EPYC: variants seen among roughly 807,000 people sequenced by gnomAD.
The protein encoded by EPYC is dermatan sulfate proteoglycan 3.
In EPYC, 28 loss-of-function variants were observed where a neutral mutation model predicts 30.1. The observed-to-expected ratio is 0.93, with a 90% CI of 0.69 to 1.28. The LOEUF is 1.28. Among genes scored for constraint, EPYC ranks in the 50% most tolerant of loss-of-function variants. The pLI is 0.00. For missense variants in EPYC, 382 were observed against 383.5 expected (o/e 1.00, Z 0.03); for synonymous variants, 144 against 141.4 (o/e 1.02, Z -0.13).
chr12:90,977,345 C>T (rs998580894), intron 3 of EPYC, among the ~76,000 whole-genome samples: 3 of 152,164 alleles, frequency 2.0e-5, no homozygotes, highest in Admixed American at 6.5e-5. Flanking sequence ...ACATGTAGCA[C>T]TAAGAATTCC....
intron 4 of EPYC, among the ~76,000 whole-genome samples, chr12:90,972,377 C>G (rs748077610): frequency 1.9e-4 from 29 of 152,144 alleles, no homozygotes; most frequent in Non-Finnish European, 3.2e-4. Flanking sequence ...TTTATGACAA[C>G]ACATACCAAA....
intron 2 of EPYC, among the ~76,000 whole-genome samples, chr12:90,996,023 T>C (rs1323669424): frequency 6.6e-6 from 1 of 151,918 alleles, no homozygotes; most frequent in African/African-American, 2.4e-5. Context: ...AAACCATATG[T>C]ATGAAACTTT....
intron 3 of EPYC, among the ~76,000 whole-genome samples, chr12:90,977,260 G>T (rs1264090576): frequency 6.6e-6 from 1 of 152,096 alleles, no homozygotes; most frequent in Non-Finnish European, 1.5e-5. Flanking sequence ...AAGTATTCCA[G>T]TGTGAGTCCT....
At chr12:91,004,570 A>C (rs1352832872) in intron 1 of EPYC, among the ~76,000 whole-genome samples, 2 of 152,038 alleles carry the variant, frequency 1.3e-5, no homozygotes, top group Non-Finnish European at 2.9e-5. Flanking sequence ...TTTTAATCTC[A>C]GGAAATTTCA....
chr12:90,974,029 TACACACACTCACAC>T (rs911872275), intron 3 of EPYC, among the ~76,000 whole-genome samples: 2 of 81,116 alleles, frequency 2.5e-5, no homozygotes, highest in Admixed American at 1.5e-4. Flanking sequence ...TTTTCTGTCT[TACACACACTCACAC>T]ACACACACAC....
chr12:91,002,057 C>G (rs1211908646), intron 2 of EPYC, among the ~76,000 whole-genome samples: 1 of 151,268 alleles, frequency 6.6e-6, no homozygotes, highest in Non-Finnish European at 1.5e-5. Flanking sequence ...TGTGTCCTAG[C>G]TACGAGCCTG....
At chr12:90,998,208 T>C (rs1877740071) in intron 2 of EPYC, among the ~76,000 whole-genome samples, 1 of 152,140 alleles carries the variant, frequency 6.6e-6, no homozygotes, top group African/African-American at 2.4e-5. Flanking sequence ...AGGTTAGCTG[T>C]AGTTTATCAG....
intron 3 of EPYC, among the ~76,000 whole-genome samples, chr12:90,976,752 T>C (rs745593662): frequency 6.6e-5 from 10 of 152,228 alleles, no homozygotes; most frequent in Non-Finnish European, 1.3e-4. Context: ...TCCCACATGT[T>C]GTGGGAGAGA....
rs763736514 is a variant in EPYC, at chr12:91,002,583, T to C, written c.-13-5A>G. On this transcript the variant is annotated splice_polypyrimidine_tract_variant and splice_region_variant and intron_variant, in intron 1 of 6. Transcript: ENST00000261172. ...GTCTTCATTTTTCAAGCTTTCCTAA[T>C]TATAAAATATTAAAATGCATAAATA... 1.9e-6 allele frequency: 3 copies of C among 1,581,796 alleles called. No individual in the cohort carries two copies. Among genetic ancestry groups the C allele is most frequent in the South Asian group, 2.3e-5 (2 of 85,386 alleles).
At chr12:90,968,374 G>C (rs1318722961) in intron 6 of EPYC, among the ~76,000 whole-genome samples, 1 of 152,180 alleles carries the variant, frequency 6.6e-6, no homozygotes, top group Non-Finnish European at 1.5e-5. Context: ...AATCAGAAAT[G>C]CAGGGAGTTT....
At chr12:90,973,981 T>G (rs973639473) in intron 3 of EPYC, among the ~76,000 whole-genome samples, 1 of 151,200 alleles carries the variant, frequency 6.6e-6, no homozygotes, top group African/African-American at 2.4e-5. Flanking sequence ...CCAAAAATGT[T>G]TCTGAGGCTG....
At chr12:90,987,986 C>G (rs892274710) in intron 2 of EPYC, among the ~76,000 whole-genome samples, 2 of 151,966 alleles carry the variant, frequency 1.3e-5, no homozygotes, top group African/African-American at 4.8e-5. Flanking sequence ...TTAATCTTTC[C>G]TTTGCCTGTA....
intron 2 of EPYC, among the ~76,000 whole-genome samples, chr12:90,991,471 A>G (rs1481199114): frequency 6.6e-6 from 1 of 152,210 alleles, no homozygotes; most frequent in Non-Finnish European, 1.5e-5. Context: ...GAAGATTTCC[A>G]AAATGTTTTG....
chr12:90,994,351 T>C (rs1006231381), intron 2 of EPYC, among the ~76,000 whole-genome samples: 1 of 152,208 alleles, frequency 6.6e-6, no homozygotes, highest in Non-Finnish European at 1.5e-5. Flanking sequence ...ATGTACCAGG[T>C]TCTGTATTAA....
intron 2 of EPYC, among the ~76,000 whole-genome samples, chr12:90,991,018 C>A (rs1027962140): frequency 6.6e-6 from 1 of 151,924 alleles, no homozygotes; most frequent in Non-Finnish European, 1.5e-5. Context: ...AATTTTATGT[C>A]TTTAATCAGA....
chr12:90,989,627 A>T (rs1238495263), intron 2 of EPYC, among the ~76,000 whole-genome samples: 1 of 152,022 alleles, frequency 6.6e-6, no homozygotes, highest in Non-Finnish European at 1.5e-5. Context: ...CATGCCAAAG[A>T]AATAAGAGCT....
At chr12:90,978,046 A>G (rs748918270) in intron 3 of EPYC, 42 bp downstream of exon 3, 65 of 1,495,512 alleles carry the variant, frequency 4.3e-5, no homozygotes, top group Non-Finnish European at 4.9e-5. Context: ...TTTGAGGATG[A>G]CAAAGTGGAC....
rs749296201 is a variant in EPYC, at chr12:90,964,307, A to T, written c.818T>A (p.Met273Lys). ...LHLQNNNILE[M>K]HEDTFCNVKN... Reference sequence around the variant, plus strand: ...AACATTGCAGAACGTATCTTCGTGCATTTCCAGAATGTTGTTATTCTAAAA... The same window carrying T: ...AACATTGCAGAACGTATCTTCGTGCTTTTCCAGAATGTTGTTATTCTAAAA... Residue 273 changes from methionine to lysine, a missense_variant, in exon 7 of 7, where the codon ATG becomes AAG. By Grantham distance (95) the Met-to-Lys change is moderately conservative. Coordinates refer to ENST00000261172, the MANE Select transcript of EPYC (RefSeq NM_004950.5). 3 of 1,607,930 alleles carry T rather than the reference A, an allele frequency of 1.9e-6. No homozygotes were observed. The African/African-American group carries it at 4.0e-5, about 21-fold the overall frequency.
chr12:90,989,218 T>C (rs1877524065), intron 2 of EPYC, among the ~76,000 whole-genome samples: 1 of 152,056 alleles, frequency 6.6e-6, no homozygotes, highest in Non-Finnish European at 1.5e-5. Context: ...AAAAGCATAT[T>C]TTTGTTGCTT....
Sources: allele counts gnomAD v4.1 joint callset (sites outside exome capture counted in the v4.1 genomes callset), GRCh38; gene constraint gnomAD v4.1.1; transcripts MANE v1.5; gene names NCBI Gene and HGNC (gene_info 2026-07-23, HGNC 2026-07-21).